Variants in PIK3R4 observed in about 807,000 individuals in gnomAD.
PIK3R4 encodes the protein phosphoinositide-3-kinase regulatory subunit 4.
PIK3R4 carries 46 observed loss-of-function variants against 136.5 expected under a neutral mutation model. The observed-to-expected ratio is 0.34, with a 90% confidence interval of 0.27 to 0.43. PIK3R4 has a LOEUF of 0.43. Among genes scored for constraint, PIK3R4 ranks in the 20% least tolerant of loss-of-function variants. PIK3R4 has a pLI of 1.00. For synonymous variants in PIK3R4, 557 were observed against 566.7 expected (o/e 0.98, Z 0.24); for missense variants, 1,331 against 1,649.5 (o/e 0.81, Z 3.35).
At position 130,744,651 on chromosome 3, in the gene PIK3R4, A is replaced by C; in HGVS notation, c.568T>G (p.Ser190Ala). 6.2e-7 allele frequency: 1 copy of C among 1,614,104 alleles called. No homozygotes were observed. The highest frequency in any genetic ancestry group is 2.2e-5 in the East Asian group (1 of 44,896). The change falls in exon 2 of 20, where the codon TCA becomes GCA. Residue 190 changes from serine to alanine, a missense_variant. Ser to Ala is a moderately conservative substitution (Grantham distance 99, BLOSUM62 1). Around this residue, in one of 2 missense-constraint regions of PIK3R4, gnomAD observed 151 missense variants for 242.5 expected, o/e 0.62. Coordinates refer to ENST00000356763, the MANE Select transcript of PIK3R4 (RefSeq NM_014602.3). ...GCAATATAGCAAGTTCTCCTCCGTG[A>C]TGTGTCAAAGAAATAATTGAAATCT... ...PADFNYFFDTSRRRTCYIAPE... is the reference protein window; with the variant it reads ...PADFNYFFDTARRRTCYIAPE...
At chr3:130,699,841 G>C (rs747539429) in intron 13 of PIK3R4, among the ~76,000 whole-genome samples, 12 of 152,126 alleles carry the variant, frequency 7.9e-5, no homozygotes, top group Non-Finnish European at 1.3e-4. Context: ...AAGTCAATCT[G>C]AACAGTCTTG....
intron 14 of PIK3R4, among the ~76,000 whole-genome samples, chr3:130,686,883 T>C (rs2066493683): frequency 6.6e-6 from 1 of 152,216 alleles, no homozygotes; most frequent in African/African-American, 2.4e-5. Context: ...TTTTAGAGAA[T>C]GTTCCTCAAT....
At chr3:130,714,544 T>C (rs977630168) in intron 9 of PIK3R4, among the ~76,000 whole-genome samples, 1 of 152,230 alleles carries the variant, frequency 6.6e-6, no homozygotes, top group Non-Finnish European at 1.5e-5. Flanking sequence ...GTTACATGGA[T>C]ATACGTGTGC....
intron 14 of PIK3R4, among the ~76,000 whole-genome samples, chr3:130,687,391 A>G (rs2066495893): frequency 6.6e-6 from 1 of 152,188 alleles, no homozygotes; most frequent in South Asian, 2.1e-4. Flanking sequence ...ATGTGAATTA[A>G]GCTGGTGTCT....
intron 9 of PIK3R4, among the ~76,000 whole-genome samples, chr3:130,712,566 G>A (rs1478908722): frequency 6.6e-6 from 1 of 152,002 alleles, no homozygotes; most frequent in African/African-American, 2.4e-5. Flanking sequence ...TACTCAGGGG[G>A]CTGAGACAGA....
chr3:130,717,324 G>C (rs920724179), intron 8 of PIK3R4, among the ~76,000 whole-genome samples: 2 of 152,082 alleles, frequency 1.3e-5, no homozygotes, highest in Admixed American at 1.3e-4. Context: ...TGAATAATTA[G>C]CCTCTCAACT....
chr3:130,698,378 A>G (rs1268832389), intron 13 of PIK3R4, among the ~76,000 whole-genome samples: 1 of 152,126 alleles, frequency 6.6e-6, no homozygotes, highest in South Asian at 2.1e-4. Flanking sequence ...CTAAGGCTCT[A>G]TTCATTTTTC....
intron 14 of PIK3R4, among the ~76,000 whole-genome samples, chr3:130,687,516 T>C (rs1331367715): frequency 6.6e-6 from 1 of 152,160 alleles, no homozygotes; most frequent in Non-Finnish European, 1.5e-5. Context: ...CCCACTAATT[T>C]TAACATCCAT....
At chr3:130,697,964 T>C (rs901614315) in intron 13 of PIK3R4, among the ~76,000 whole-genome samples, 1 of 152,236 alleles carries the variant, frequency 6.6e-6, no homozygotes, top group African/African-American at 2.4e-5. Context: ...TCTTAATTTC[T>C]CCTTGGTTTC....
intron 6 of PIK3R4, 196 bp from the exon 7 acceptor site, chr3:130,723,783 C>T (rs2066716833): frequency 4.2e-6 from 2 of 473,984 alleles, no homozygotes; most frequent in South Asian, 7.1e-5. Flanking sequence ...TCGGACACCA[C>T]AGAAAAGCTA....
At chr3:130,697,237 A>AT (rs1267949905) in intron 13 of PIK3R4, among the ~76,000 whole-genome samples, 2 of 150,774 alleles carry the variant, frequency 1.3e-5, no homozygotes, top group Admixed American at 6.6e-5. Flanking sequence ...GCCTGGCAAA[A>AT]TTTTTTTGTA....
rs1434234322 is a variant in PIK3R4, at chr3:130,708,315, T to G, written c.2509A>C (p.Lys837Gln). 1 of 1,613,508 alleles carries G rather than the reference T, an allele frequency of 6.2e-7. No individual in the cohort carries two copies. Among genetic ancestry groups the G allele is most frequent in the East Asian group, 2.2e-5 (1 of 44,866 alleles). ...TGRQVDLVKT[K>Q]QEPDDKRARK... ...CCCCGTTTGTCATCTGGTTCTTGTTTGGTTTTAACAAGATCAACTTGTCTC... is the reference window on the plus strand; with the variant it reads ...CCCCGTTTGTCATCTGGTTCTTGTTGGGTTTTAACAAGATCAACTTGTCTC... The change falls in exon 10 of 20, where the codon AAA becomes CAA. Residue 837 changes from lysine (K) to glutamine (Q), a missense_variant. Transcript: ENST00000356763.
At position 130,686,259 on chromosome 3, in the gene PIK3R4, G is replaced by A. The variant is rs761293366; in HGVS notation, c.3427C>T (p.Leu1143Phe). 6.2e-7 allele frequency: 1 copy of A among 1,613,490 alleles called. No homozygotes were observed. The highest frequency in any genetic ancestry group is 8.5e-7 in the Non-Finnish European group (1 of 1,179,550). The change falls in exon 15 of 20, where the codon CTC (leucine) becomes TTC (phenylalanine). Residue 1143 changes from leucine (L) to phenylalanine (F), a missense_variant. Leu to Phe is a conservative substitution (Grantham distance 22, BLOSUM62 0). Around this residue, in one of 2 missense-constraint regions of PIK3R4, gnomAD observed 1,180 missense variants for 1,407.0 expected, o/e 0.84. Transcript: ENST00000356763. ...WTLKHDLKSG[L>F]ITSFAVDIHQ... ...ATGTCCACAGCAAAGGAAGTGATGAGGCCCGACTTTAAATCATGCTTTAAA... is the reference window on the plus strand; with the variant it reads ...ATGTCCACAGCAAAGGAAGTGATGAAGCCCGACTTTAAATCATGCTTTAAA...
At chr3:130,745,369 A>G in intron 1 of PIK3R4, 105 bp from the exon 2 acceptor site, 1 of 743,508 alleles carries the variant, frequency 1.3e-6, no homozygotes, top group Non-Finnish European at 2.1e-6. Context: ...GATGCAGCAT[A>G]CTTCTCTTCC....
chr3:130,687,071 G>GTTTT (rs35548461), intron 14 of PIK3R4, among the ~76,000 whole-genome samples: 2 of 145,274 alleles, frequency 1.4e-5, no homozygotes. Flanking sequence ...TCAGATTTGG[G>GTTTT]TTTTTTTTTT....
intron 7 of PIK3R4, among the ~76,000 whole-genome samples, chr3:130,721,206 G>A (rs939214839): frequency 6.6e-6 from 1 of 151,684 alleles, no homozygotes; most frequent in Non-Finnish European, 1.5e-5. Flanking sequence ...GCATGGTAGC[G>A]GGCGCCTGTA....
chr3:130,690,519 C>T lies in PIK3R4; in HGVS notation c.3234G>A (p.Lys1078=). ...TTTGTAGAGGATGGATTTTAGGAGA[C>T]TTGGGCAGCTTAGAAGCCTCAATTC... ...LLGIEASKLP[K]SPKIHPLQSR... Residue 1078 remains lysine (K), a synonymous_variant, in exon 14 of 20, where the codon AAG becomes AAA. Coordinates refer to ENST00000356763, the MANE Select transcript of PIK3R4 (RefSeq NM_014602.3). The T allele has an allele frequency of 6.2e-7, 1 of 1,613,352 alleles. No individual in the cohort carries two copies.
At chr3:130,712,591 C>T (rs2066638471) in intron 9 of PIK3R4, among the ~76,000 whole-genome samples, 1 of 151,704 alleles carries the variant, frequency 6.6e-6, no homozygotes, top group African/African-American at 2.4e-5. Flanking sequence ...TCGCTTGAAA[C>T]CGGGAGGCGG....
At chr3:130,721,722 G>A (rs2066702111) in intron 7 of PIK3R4, among the ~76,000 whole-genome samples, 1 of 152,142 alleles carries the variant, frequency 6.6e-6, no homozygotes, top group Non-Finnish European at 1.5e-5. Flanking sequence ...TAGAATGGTG[G>A]TTACCAGGGG....
Sources: gnomAD v4.1 joint callset for allele counts (sites outside exome capture counted in the v4.1 genomes callset) on GRCh38, gnomAD v4.1.1 for gene constraint, gnomAD v4.1.1 regional missense constraint, MANE v1.5 for transcripts, NCBI Gene and HGNC (gene_info 2026-07-23, HGNC 2026-07-21) for gene names.